The following PLCG2 variants were observed in gnomAD, a reference collection of about 807,000 sequenced individuals.
PLCG2 encodes phospholipase C gamma 2.
A neutral mutation model predicts 175.6 loss-of-function variants in PLCG2; 69 were observed. The observed-to-expected ratio is 0.39, with a 90% CI of 0.32 to 0.48. The LOEUF is 0.48. PLCG2 is among the 20% of genes least tolerant of loss of function. The pLI is 0.91. For synonymous variants in PLCG2, 827 were observed against 624.0 expected, an observed-to-expected ratio of 1.33 and a Z score of -4.85; for missense variants, 1,798 against 1,650.9, an observed-to-expected ratio of 1.09 and a Z score of -1.54.
intron 22 of PLCG2, among the ~76,000 whole-genome samples, chr16:81,924,652 A>T (rs1403152610): frequency 6.6e-6 from 1 of 152,236 alleles, no homozygotes; most frequent in Non-Finnish European, 1.5e-5. Flanking sequence ...TCCAGGGATT[A>T]TCAAACTTTT....
At chr16:81,756,461 A>T (rs1177052219) in intron 2 of PLCG2, among the ~76,000 whole-genome samples, 8 of 152,206 alleles carry the variant, frequency 5.3e-5, no homozygotes, top group African/African-American at 1.9e-4. Flanking sequence ...ACGGAGGCAG[A>T]GAGAGGTTAA....
chr16:81,820,736 T>G (rs1306392083), intron 2 of PLCG2, among the ~76,000 whole-genome samples: 3 of 152,188 alleles, frequency 2.0e-5, no homozygotes, highest in East Asian at 1.9e-4. Flanking sequence ...TCCTCCCACC[T>G]CAGCCTCCTG....
Position 81,859,161 on chromosome 16 carries a change from C to T in PLCG2, c.477C>T (p.Asn159=). 1.3e-6 allele frequency: 2 copies of T among 1,586,904 alleles called. No homozygotes were observed. Among genetic ancestry groups the T allele is most frequent in the Non-Finnish European group, 1.7e-6 (2 of 1,155,222 alleles). The part of the protein sequence containing the change: ...QIYSVDQTRR[N]SISLRELKTI... ...ATTCTGTGGATCAAACCAGAAGAAA[C>T]AGGTAAGAGTCATTCAGTTTTTTTC... The change falls in exon 5 of 33, where the codon AAC becomes AAT. Residue 159 remains asparagine, a splice_region_variant and synonymous_variant. Transcript: ENST00000564138.
chr16:81,894,035 G>A (rs1181018907), intron 12 of PLCG2, among the ~76,000 whole-genome samples: 1 of 150,356 alleles, frequency 6.7e-6, no homozygotes, highest in African/African-American at 2.5e-5. Context: ...TGGTATTAGA[G>A]GAAGGCAAAC....
Position 81,834,474 on chromosome 16 carries a change from T to A in PLCG2, c.194-19970T>A, listed in dbSNP as rs74029237. Among the ~76,000 whole-genome samples, 962 of 152,212 alleles carry A rather than the reference T, an allele frequency of 6.3e-3. 9 individuals are homozygous for A. The highest frequency in any genetic ancestry group is 0.024 in the Middle Eastern group (7 of 294). ...TGCCCAACCTGCCTGAGCCTCAGTT[T>A]CCCCTTCTGCAAAATGGAGTTGATG... On this transcript the variant is annotated intron_variant, in intron 2 of 32. Transcript: ENST00000564138.
At chr16:81,799,451 G>T (rs1484687274) in intron 2 of PLCG2, among the ~76,000 whole-genome samples, 3 of 152,062 alleles carry the variant, frequency 2.0e-5, no homozygotes, top group East Asian at 1.9e-4. Flanking sequence ...TTGAGGCAGG[G>T]TCTTGCTCTG....
At chr16:81,937,669 T>C (rs1910770198) in intron 27 of PLCG2, 89 bp from the exon 28 acceptor site, 1 of 1,144,210 alleles carries the variant, frequency 8.7e-7, no homozygotes, top group Middle Eastern at 2.0e-4. Flanking sequence ...GGGGAAAAGG[T>C]GAAATTCATT....
At chr16:81,788,055 CTGTT>C (rs1338146025) in intron 2 of PLCG2, among the ~76,000 whole-genome samples, 1 of 152,064 alleles carries the variant, frequency 6.6e-6, no homozygotes, top group Non-Finnish European at 1.5e-5. Flanking sequence ...GTGTGGATGT[CTGTT>C]TTTATTTGTT....
In PLCG2 at chr16:81,961,580, G is replaced by C. The variant is rs955742792; in HGVS notation, c.*3582G>C. 4.6e-6 allele frequency: 1 copy of C among 215,528 alleles called. No individual in the cohort carries two copies. The highest frequency in any genetic ancestry group is 9.3e-6 in the Non-Finnish European group (1 of 107,290). The allele number at this position is 215,528 out of a possible 1,614,324, so 13.4% of individuals were successfully genotyped here. On this transcript the variant is annotated 3_prime_UTR_variant, in exon 33 of 33. Transcript: ENST00000564138. Reference sequence around the variant, plus strand: ...TAGGCTAAAATTTTGAGGGAGAAGTGGTATGAAAATACAAATTCAAGGAGT... The same window carrying C: ...TAGGCTAAAATTTTGAGGGAGAAGTCGTATGAAAATACAAATTCAAGGAGT...
At chr16:81,788,191 A>G (rs763006110) in intron 2 of PLCG2, among the ~76,000 whole-genome samples, 2 of 152,166 alleles carry the variant, frequency 1.3e-5, no homozygotes, top group Non-Finnish European at 2.9e-5. Context: ...AGTGGTAGAA[A>G]AGGGTGATCG....
chr16:81,925,877 C>G (rs1279271233), intron 22 of PLCG2, among the ~76,000 whole-genome samples: 2 of 110,970 alleles, frequency 1.8e-5, no homozygotes, highest in African/African-American at 3.7e-5. Context: ...CAGAGTGAGA[C>G]TCTGTCTCAA....
intron 7 of PLCG2, among the ~76,000 whole-genome samples, chr16:81,876,972 C>T (rs946663253): frequency 6.6e-6 from 1 of 152,122 alleles, no homozygotes; most frequent in African/African-American, 2.4e-5. Context: ...AATTCTGGCC[C>T]TTGGACTTGT....
rs373178067 is a variant in PLCG2 at position 81,956,947 on chromosome 16, G to A, written c.3755+68G>A. 324 of 1,354,508 alleles carry A rather than the reference G, an allele frequency of 2.4e-4. 1 individual carries two copies. The African/African-American group carries it at 4.1e-3, about 17-fold the overall frequency. The allele number at this position is 1,354,508 out of a possible 1,614,324, so 83.9% of individuals were successfully genotyped here. Reference sequence around the variant, plus strand: ...TAGGCACGGTGATGATGGGCACCACGGGCCAGGCTTCTGGAAAGCCCTCTG... The same window carrying A: ...TAGGCACGGTGATGATGGGCACCACAGGCCAGGCTTCTGGAAAGCCCTCTG... On this transcript the variant is annotated intron_variant, in intron 32 of 32. Transcript: ENST00000564138.
chr16:81,833,327 T>G (rs1209528347), intron 2 of PLCG2, among the ~76,000 whole-genome samples: 3 of 152,096 alleles, frequency 2.0e-5, no homozygotes, highest in Non-Finnish European at 4.4e-5. Context: ...TCTTTCGCAA[T>G]CTGTCCACAC....
intron 2 of PLCG2, among the ~76,000 whole-genome samples, chr16:81,841,321 C>G (rs1241617611): frequency 6.6e-6 from 1 of 152,038 alleles, no homozygotes; most frequent in Non-Finnish European, 1.5e-5. Flanking sequence ...ACTTCAACCT[C>G]CGTCTCCTGG....
intron 11 of PLCG2, among the ~76,000 whole-genome samples, chr16:81,892,564 C>G (rs1908687400): frequency 6.6e-6 from 1 of 152,096 alleles, no homozygotes; most frequent in South Asian, 2.1e-4. Flanking sequence ...ACAGTTCTCT[C>G]TTCCCCACCA....
At chr16:81,771,379 A>G (rs1456614089) in intron 2 of PLCG2, among the ~76,000 whole-genome samples, 2 of 152,198 alleles carry the variant, frequency 1.3e-5, no homozygotes, top group Non-Finnish European at 2.9e-5. Context: ...TCTGACTTCT[A>G]AAAGCACTGA....
chr16:81,878,250 C>T (rs1203458548), intron 7 of PLCG2, among the ~76,000 whole-genome samples: 4 of 152,024 alleles, frequency 2.6e-5, no homozygotes, highest in African/African-American at 7.2e-5. Context: ...TCACAAAGTG[C>T]TGGGATTACA....
chr16:81,845,262 A>T (rs73590842), intron 2 of PLCG2, among the ~76,000 whole-genome samples: 1 of 152,282 alleles, frequency 6.6e-6, no homozygotes, highest in East Asian at 1.9e-4. Flanking sequence ...CTTATGCCTT[A>T]TATGTGTCCA....
Sources: allele counts gnomAD v4.1 joint callset (sites outside exome capture counted in the v4.1 genomes callset), GRCh38; gene constraint gnomAD v4.1.1; transcripts MANE v1.5; gene names NCBI Gene and HGNC (gene_info 2026-07-23, HGNC 2026-07-21).